Variants in ARID1B observed in about 807,000 individuals in gnomAD.
ARID1B encodes AT-rich interactive domain-containing protein 1B.
ARID1B carries 30 observed loss-of-function variants against 212.3 expected under a neutral mutation model. The observed-to-expected ratio is 0.14, with a 90% confidence interval of 0.11 to 0.19. The LOEUF (loss-of-function observed/expected upper bound fraction) is 0.19. Among genes scored for constraint, ARID1B ranks in the 10% least tolerant of loss-of-function variants. The pLI is 1.00. For missense variants in ARID1B, 2,891 were observed against 3,204.0 expected, an observed-to-expected ratio of 0.90 and a Z score of 2.36; for synonymous variants, 1,402 against 1,301.7, an observed-to-expected ratio of 1.08 and a Z score of -1.66.
intron 6 of ARID1B, among the ~76,000 whole-genome samples, chr6:157,131,166 A>ATTTAACATCCAT: frequency 6.6e-6 from 1 of 152,222 alleles, no homozygotes; most frequent in East Asian, 1.9e-4. Context: ...CGCATGAAGA[A>ATTTAACATCCAT]TTTAACATCC....
chr6:157,098,137 T>C (rs1785784294), intron 5 of ARID1B, among the ~76,000 whole-genome samples: 1 of 152,112 alleles, frequency 6.6e-6, no homozygotes, highest in South Asian at 2.1e-4. Context: ...AAGGGAAAAA[T>C]TAGGTTTTGT....
rs538953182 is a variant in ARID1B at position 157,073,491 on chromosome 6, G to A, written c.2248-11171G>A. On this transcript the variant is annotated intron_variant, in intron 4 of 19. Coordinates refer to ENST00000636930, the MANE Select transcript of ARID1B (RefSeq NM_001374828.1). Reference sequence around the variant, plus strand: ...AAATGTATTTTACCTTATAAGCAGTGTTTAAAAACAGTATGTGTCAGAACT... The same window carrying A: ...AAATGTATTTTACCTTATAAGCAGTATTTAAAAACAGTATGTGTCAGAACT... Among the ~76,000 whole-genome samples, 28 of 152,282 alleles carry A rather than the reference G, an allele frequency of 1.8e-4. 1 individual carries two copies. The South Asian group carries it at 5.4e-3, about 29-fold the overall frequency.
At chr6:156,933,341 C>T (rs1004507305) in intron 3 of ARID1B, among the ~76,000 whole-genome samples, 1 of 152,134 alleles carries the variant, frequency 6.6e-6, no homozygotes, top group African/African-American at 2.4e-5. Context: ...GGCTGTCCTG[C>T]ACCTTTGTGC....
chr6:156,777,132 G>A (rs555588332), upstream of ARID1B: 2 of 152,356 alleles, frequency 1.3e-5, no homozygotes, highest in Non-Finnish European at 2.9e-5. Flanking sequence ...GGTTGGCAAG[G>A]AGACAGCGGC....
At chr6:156,865,020 T>A (rs757846550) in intron 2 of ARID1B, among the ~76,000 whole-genome samples, 5 of 152,222 alleles carry the variant, frequency 3.3e-5, no homozygotes, top group Non-Finnish European at 7.3e-5. Flanking sequence ...CCTTGTAAGA[T>A]GTTTAGATCC....
At chr6:156,789,901 G>A (rs1276354149) in intron 1 of ARID1B, among the ~76,000 whole-genome samples, 1 of 152,136 alleles carries the variant, frequency 6.6e-6, no homozygotes, top group Admixed American at 6.5e-5. Flanking sequence ...GCAATGAAAA[G>A]GACCTTTTAA....
chr6:156,984,669 C>T (rs1311296496), intron 4 of ARID1B: 1 of 151,966 alleles, frequency 6.6e-6, no homozygotes, highest in South Asian at 2.1e-4. Context: ...AATGGAGTTT[C>T]TTACTTTTCT....
At chr6:157,123,249 AC>A (rs1562637222) in intron 6 of ARID1B, among the ~76,000 whole-genome samples, 3 of 14,336 alleles carry the variant, frequency 2.1e-4, no homozygotes, top group Admixed American at 7.5e-4. Flanking sequence ...CCCCCCCCCC[AC>A]ACACACACAA....
At position 156,787,805 on chromosome 6, in the gene ARID1B, G is replaced by T. The variant is rs568735826; in HGVS notation, c.1791+8334G>T. 2.0e-5 allele frequency among the ~76,000 whole-genome samples: 3 copies of T among 152,156 alleles called. No homozygotes were observed. The South Asian group carries it at 6.3e-4, about 32-fold the overall frequency. On this transcript the variant is annotated intron_variant, in intron 1 of 19. Transcript: ENST00000636930. ...GTGAGCGAATAAGCTTCTATGATGA[G>T]GCATCCTGACACAATGGTAAGATCA...
rs1362991728 is a variant in ARID1B at position 157,203,343 on chromosome 6, G to A, written c.5264-523G>A. Among the ~76,000 whole-genome samples, 4 of 152,234 alleles carry A rather than the reference G, an allele frequency of 2.6e-5. No homozygotes were observed. Among genetic ancestry groups the A allele is most frequent in the African/African-American group, 9.6e-5 (4 of 41,464 alleles). ...ATCACAGCATGTTCTGAGGGCAGGAGCACAGGACTAGAGGAAAGCAGCCTG... is the reference window on the plus strand; with the variant it reads ...ATCACAGCATGTTCTGAGGGCAGGAACACAGGACTAGAGGAAAGCAGCCTG... On this transcript the variant is annotated intron_variant, in intron 18 of 19. Coordinates refer to ENST00000636930, the MANE Select transcript of ARID1B (RefSeq NM_001374828.1). This position sits in a 1 kb window ranked among gnomAD's most constrained non-coding sequence, Gnocchi z 4.4.
At chr6:156,924,979 C>T (rs1791103620) in intron 3 of ARID1B, among the ~76,000 whole-genome samples, 1 of 152,074 alleles carries the variant, frequency 6.6e-6, no homozygotes, top group African/African-American at 2.4e-5. Context: ...ATGTGGCTTC[C>T]TTTCTCATTC....
intron 4 of ARID1B, among the ~76,000 whole-genome samples, chr6:156,998,576 G>A (rs888433569): frequency 3.9e-5 from 6 of 152,150 alleles, no homozygotes; most frequent in African/African-American, 1.4e-4. Context: ...GAAGGGGCAC[G>A]AGGAATGACT....
chr6:157,157,565 T>C (rs1332038993), intron 8 of ARID1B, among the ~76,000 whole-genome samples: 1 of 152,198 alleles, frequency 6.6e-6, no homozygotes, highest in African/African-American at 2.4e-5. Context: ...GCTATGACTA[T>C]GTCTTAGTAT....
rs535189772 is a variant in ARID1B, at chr6:156,803,040, AT to A, written c.1791+23577del. 9.3e-3 allele frequency among the ~76,000 whole-genome samples: 1,417 copies of A among 151,854 alleles called. 30 individuals are homozygous for A. Among genetic ancestry groups the A allele is most frequent in the African/African-American group, 0.033 (1,353 of 41,384 alleles). On this transcript the variant is annotated intron_variant, in intron 1 of 19. Coordinates refer to ENST00000636930, the MANE Select transcript of ARID1B (RefSeq NM_001374828.1). ...GATGGGTGTATGTGTGAGTATAAAC[AT>A]TTTTTTTCTGTCCTCCCAACCTATT...
At chr6:156,839,742 G>A (rs184693715) in intron 2 of ARID1B, among the ~76,000 whole-genome samples, 94 of 152,304 alleles carry the variant, frequency 6.2e-4, no homozygotes, top group African/African-American at 2.2e-3. Flanking sequence ...CTGCACATAC[G>A]CAGCAGGCCG....
At chr6:157,063,473 C>T (rs1369574991) in intron 4 of ARID1B, among the ~76,000 whole-genome samples, 1 of 152,046 alleles carries the variant, frequency 6.6e-6, no homozygotes, top group Non-Finnish European at 1.5e-5. Flanking sequence ...CATTAGGGGC[C>T]CTTTCCTCCT....
intron 4 of ARID1B, among the ~76,000 whole-genome samples, chr6:157,037,429 G>C (rs919208756): frequency 2.0e-5 from 3 of 152,196 alleles, no homozygotes; most frequent in Non-Finnish European, 4.4e-5. Context: ...TGCGAGTCGG[G>C]TGGAGTGGAG....
At chr6:156,914,912 T>G (rs1689806802) in intron 3 of ARID1B, among the ~76,000 whole-genome samples, 1 of 152,138 alleles carries the variant, frequency 6.6e-6, no homozygotes, top group South Asian at 2.1e-4. Flanking sequence ...TTTTTCCAAA[T>G]AATGTGTGTG....
intron 4 of ARID1B, among the ~76,000 whole-genome samples, chr6:157,075,475 GT>G (rs898984952): frequency 2.0e-5 from 3 of 152,268 alleles, no homozygotes; most frequent in Admixed American, 2.0e-4. Context: ...TTCTTGTCTG[GT>G]TTTTACATAC....
Sources: gnomAD v4.1 joint callset for allele counts (sites outside exome capture counted in the v4.1 genomes callset) on GRCh38, gnomAD v4.1.1 for gene constraint, Gnocchi (gnomAD v3.1) non-coding constraint, MANE v1.5 for transcripts, NCBI Gene and HGNC (gene_info 2026-07-23, HGNC 2026-07-21) for gene names.